Variants in CDC42BPA observed in about 807,000 individuals in gnomAD.
CDC42BPA encodes serine/threonine-protein kinase MRCK alpha.
CDC42BPA carries 80 observed loss-of-function variants against 223.5 expected under a neutral mutation model. The ratio of observed to expected loss-of-function variants is 0.36; its 90% CI spans 0.30 to 0.43. The LOEUF (loss-of-function observed/expected upper bound fraction) is 0.43, where lower values mean the gene tolerates loss of function less well. CDC42BPA is among the 20% of genes least tolerant of loss of function. The pLI is 1.00. For synonymous variants in CDC42BPA, 694 were observed against 718.6 expected, an observed-to-expected ratio of 0.97 and a Z score of 0.55; for missense variants, 1,743 against 2,099.9, an observed-to-expected ratio of 0.83 and a Z score of 3.32.
chr1:227,297,214 T>C (rs1690798598), intron 1 of CDC42BPA, among the ~76,000 whole-genome samples: 1 of 152,136 alleles, frequency 6.6e-6, no homozygotes. Flanking sequence ...ATTAAGGAAG[T>C]AGATCAAAGC....
chr1:227,105,017 T>G (rs1393344516), intron 14 of CDC42BPA, among the ~76,000 whole-genome samples: 1 of 152,190 alleles, frequency 6.6e-6, no homozygotes, highest in Non-Finnish European at 1.5e-5. Context: ...TTAAAAGTTT[T>G]CTTTAAAAAT....
At chr1:227,159,821 C>T (rs1422163003) in intron 6 of CDC42BPA, among the ~76,000 whole-genome samples, 1 of 152,018 alleles carries the variant, frequency 6.6e-6, no homozygotes, top group African/African-American at 2.4e-5. Context: ...CCACCATGCC[C>T]AGCCTTTTTT....
At position 227,129,204 on chromosome 1, in the gene CDC42BPA, T is replaced by C. The variant is rs754605375; in HGVS notation, c.1418A>G (p.Gln473Arg). Reference sequence around the variant, plus strand: ...TAGTGGACCATCAACAGTTGAATACTGCAGAGCTTGGACAGTCTGTGTTGA... The same window carrying C: ...TAGTGGACCATCAACAGTTGAATACCGCAGAGCTTGGACAGTCTGTGTTGA... ...QESTQTVQALQYSTVDGPLTA... is the reference protein window; with the variant it reads ...QESTQTVQALRYSTVDGPLTA... Residue 473 changes from glutamine to arginine, a missense_variant, in exon 11 of 37, where the codon CAG becomes CGG. This residue lies in a region of CDC42BPA where 464 missense variants were observed against 488.0 expected (regional missense o/e 0.95). Coordinates refer to ENST00000366766, the MANE Select transcript of CDC42BPA (RefSeq NM_001394014.1). 1 of 1,596,818 alleles carries C rather than the reference T, an allele frequency of 6.3e-7. No homozygotes were observed. Among genetic ancestry groups the C allele is most frequent in the Non-Finnish European group, 8.5e-7 (1 of 1,170,278 alleles).
In CDC42BPA at chr1:227,112,802, T is replaced by G. The variant is rs1325702113; in HGVS notation, c.1759A>C (p.Thr587Pro). 6.2e-7 allele frequency: 1 copy of G among 1,614,122 alleles called. No homozygotes were observed. Among genetic ancestry groups the G allele is most frequent in the Non-Finnish European group, 8.5e-7 (1 of 1,180,000 alleles). ...QEFMEINERL[T>P]ELHTQKQKLA... ...TTCTGTTTTTGGGTGTGCAATTCTGTTAGCCGCTCATTGATCTCCATGAAT... is the reference window on the plus strand; with the variant it reads ...TTCTGTTTTTGGGTGTGCAATTCTGGTAGCCGCTCATTGATCTCCATGAAT... The change falls in exon 13 of 37, where the codon ACA (threonine) becomes CCA (proline). Residue 587 changes from threonine to proline, a missense_variant. This residue lies in a region of CDC42BPA where 464 missense variants were observed against 488.0 expected (regional missense o/e 0.95). Coordinates refer to ENST00000366766, the MANE Select transcript of CDC42BPA (RefSeq NM_001394014.1).
At chr1:227,175,051 C>T (rs531677050) in intron 5 of CDC42BPA, among the ~76,000 whole-genome samples, 4 of 152,050 alleles carry the variant, frequency 2.6e-5, no homozygotes, top group African/African-American at 7.2e-5. Context: ...TGCATGCATT[C>T]TTATTTCTAA....
intron 1 of CDC42BPA, among the ~76,000 whole-genome samples, chr1:227,275,050 A>C (rs886844581): frequency 6.7e-6 from 1 of 149,948 alleles, no homozygotes; most frequent in Non-Finnish European, 1.5e-5. Flanking sequence ...TAACAACCTG[A>C]ATCTAGTAGA....
intron 12 of CDC42BPA, among the ~76,000 whole-genome samples, chr1:227,113,647 C>CA (rs1208669704): frequency 6.6e-6 from 1 of 151,258 alleles, no homozygotes; most frequent in Non-Finnish European, 1.5e-5. Context: ...ATAATAAAAA[C>CA]AAAAAAATGA....
At chr1:227,046,871 G>A (rs1043447412) in intron 23 of CDC42BPA, among the ~76,000 whole-genome samples, 1 of 150,738 alleles carries the variant, frequency 6.6e-6, no homozygotes, top group Non-Finnish European at 1.5e-5. Flanking sequence ...ACTTTCCTTG[G>A]GTATCTTAAA....
intron 5 of CDC42BPA, among the ~76,000 whole-genome samples, chr1:227,187,686 CCCCAA>C (rs1669049116): frequency 2.4e-5 from 2 of 81,908 alleles, no homozygotes; most frequent in African/African-American, 9.5e-5. Flanking sequence ...CCCACCCCCC[CCCCAA>C]AAAAAAAAAA....
chr1:227,042,032 T>C (rs927641365), intron 23 of CDC42BPA, among the ~76,000 whole-genome samples: 1 of 152,194 alleles, frequency 6.6e-6, no homozygotes, highest in African/African-American at 2.4e-5. Context: ...TGAGAAACTA[T>C]TATGAGTAAA....
chr1:227,275,072 T>C (rs1004409752), intron 1 of CDC42BPA, among the ~76,000 whole-genome samples: 1 of 151,612 alleles, frequency 6.6e-6, no homozygotes, highest in Non-Finnish European at 1.5e-5. Flanking sequence ...ACAAATGCAA[T>C]ACAACTACAA....
chr1:227,295,487 T>C (rs1054097468), intron 1 of CDC42BPA, among the ~76,000 whole-genome samples: 1 of 152,068 alleles, frequency 6.6e-6, no homozygotes, highest in Admixed American at 6.6e-5. Context: ...AAATTAAGTA[T>C]AGTTCCAGCA....
chr1:226,990,150 A>T lies in CDC42BPA; in HGVS notation c.*4118T>A, dbSNP rs1032627648. On this transcript the variant is annotated 3_prime_UTR_variant, in exon 37 of 37. Transcript: ENST00000366766. ...AGCATTATATTCTAACCAAAAAATG[A>T]TCACACCAGGCCATGCAAAACTGTA... is the stretch of plus-strand genomic sequence containing the variant. The T allele has an allele frequency of 7.9e-5, 12 of 151,640 alleles. No individual in the cohort carries two copies. Among genetic ancestry groups the T allele is most frequent in the African/African-American group, 2.9e-4 (12 of 41,300 alleles). 9.4% of individuals were successfully genotyped at this position (151,640 alleles called of 1,614,324 possible).
At chr1:227,157,982 C>T (rs1663132831) in intron 6 of CDC42BPA, among the ~76,000 whole-genome samples, 1 of 147,172 alleles carries the variant, frequency 6.8e-6, no homozygotes, top group Non-Finnish European at 1.5e-5. Context: ...TTTTGAGACG[C>T]AGTCTCATTC....
chr1:227,189,970 C>T (rs959375537), intron 5 of CDC42BPA, among the ~76,000 whole-genome samples: 15 of 152,144 alleles, frequency 9.9e-5, no homozygotes, highest in Non-Finnish European at 2.1e-4. Flanking sequence ...GCCTGAAATT[C>T]ATTGTAGTTT....
chr1:227,100,422 A>T (rs1684804328), intron 15 of CDC42BPA, among the ~76,000 whole-genome samples: 1 of 152,032 alleles, frequency 6.6e-6, no homozygotes, highest in Non-Finnish European at 1.5e-5. Context: ...TTTACTTTCC[A>T]GCTTCATTTC....
intron 1 of CDC42BPA, among the ~76,000 whole-genome samples, chr1:227,285,551 C>T (rs1160953485): frequency 6.6e-6 from 1 of 152,200 alleles, no homozygotes; most frequent in Non-Finnish European, 1.5e-5. Flanking sequence ...GTAATGGCGT[C>T]CCATAAGAGG....
At position 227,119,841 on chromosome 1, in the gene CDC42BPA, A is replaced by G. The variant is rs56364976; in HGVS notation, c.1610T>C (p.Ile537Thr). ...FRQIKAYEKQ[I>T]KTLQQEREDL... is the part of the protein sequence containing the mutation. ...TTCTCTTTCTTGTTGTAACGTTTTG[A>G]TTTGTTTTTCATAAGCCTTGATTTG... is the stretch of plus-strand genomic sequence containing the variant. Residue 537 changes from isoleucine (I) to threonine (T), a missense_variant, in exon 12 of 37, where the codon ATC becomes ACC. Transcript: ENST00000366766. The G allele has an allele frequency of 1.3e-6, 2 of 1,597,270 alleles. No homozygotes were observed. The highest frequency in any genetic ancestry group is 1.7e-6 in the Non-Finnish European group (2 of 1,169,610).
chr1:227,001,871 C>CACTCGAGCTTGGCCAACAGAGTGAG (rs1662922355), intron 35 of CDC42BPA, among the ~76,000 whole-genome samples: 2 of 151,910 alleles, frequency 1.3e-5, no homozygotes, highest in African/African-American at 2.4e-5. Flanking sequence ...CGTGCCACTG[C>CACTCGAGCTTGGCCAACAGAGTGAG]ACTCGAGCTT....
Sources: allele counts gnomAD v4.1 joint callset (sites outside exome capture counted in the v4.1 genomes callset), GRCh38; gene constraint gnomAD v4.1.1; regional missense constraint gnomAD v4.1.1; transcripts MANE v1.5; gene names NCBI Gene and HGNC (gene_info 2026-07-23, HGNC 2026-07-21).